COL27A1: variants seen among roughly 807,000 people sequenced by gnomAD.
COL27A1 encodes the protein collagen type XXVII alpha 1 chain.
A neutral mutation model predicts 251.3 loss-of-function variants in COL27A1; 106 were observed. The ratio of observed to expected loss-of-function variants is 0.42; its 90% CI spans 0.36 to 0.50. The LOEUF (loss-of-function observed/expected upper bound fraction) is 0.50. Ranked by LOEUF, COL27A1 falls within the 20% of genes least tolerant of loss-of-function variation. COL27A1 has a pLI of 0.00. For missense variants in COL27A1, 2,325 were observed against 2,522.8 expected, an observed-to-expected ratio of 0.92 and a Z score of 1.68; for synonymous variants, 1,000 against 986.3, an observed-to-expected ratio of 1.01 and a Z score of -0.26.
chr9:114,276,960 AC>A (rs1466004980), intron 37 of COL27A1, among the ~76,000 whole-genome samples: 2 of 152,204 alleles, frequency 1.3e-5, no homozygotes, highest in Non-Finnish European at 2.9e-5. Flanking sequence ...GGTAAAGGAA[AC>A]TTCCCAGGCT....
In COL27A1 at chr9:114,289,209, G is replaced by C. The variant is rs779334386; in HGVS notation, c.4153-33G>C. The C allele has an allele frequency of 2.6e-6, 4 of 1,566,512 alleles. No individual in the cohort carries two copies. In the South Asian group the frequency reaches 4.7e-5, roughly 18 times the overall value. ...CACCCTCCCCGGGAGAGAATCCTGG[G>C]GCTGCCTTGCGTCATCTCACCTTGG... On this transcript the variant is annotated intron_variant, in intron 44 of 60. Coordinates refer to ENST00000356083, the MANE Select transcript of COL27A1 (RefSeq NM_032888.4).
rs200617647 is a variant in COL27A1, at chr9:114,175,594, CT to C, written c.1909-2696del. Among the ~76,000 whole-genome samples the C allele has an allele frequency of 8.4e-3, 1,286 of 152,334 alleles. 22 individuals are homozygous for C. The highest frequency in any genetic ancestry group is 7.7e-3 in the Non-Finnish European group (523 of 68,032). On this transcript the variant is annotated intron_variant, in intron 3 of 60. Coordinates refer to ENST00000356083, the MANE Select transcript of COL27A1 (RefSeq NM_032888.4). ...CCCCGTCAAGGAGTCCGCCTGTGGG[CT>C]GACATCACCAGGCTGGACCCTGGGT...
At chr9:114,193,353 C>T (rs1002374662) in intron 5 of COL27A1, among the ~76,000 whole-genome samples, 2 of 152,110 alleles carry the variant, frequency 1.3e-5, no homozygotes, top group African/African-American at 4.8e-5. Flanking sequence ...TTTCCCGAGC[C>T]CCATGCTCTC....
chr9:114,176,797 C>G (rs1188122363), intron 3 of COL27A1, among the ~76,000 whole-genome samples: 3 of 152,188 alleles, frequency 2.0e-5, no homozygotes, highest in Non-Finnish European at 2.9e-5. Flanking sequence ...TGCCCAGTGA[C>G]CTTGGTACCC....
chr9:114,309,622 G>A (rs1829311383), intron 60 of COL27A1, 144 bp downstream of exon 60: 1 of 702,334 alleles, frequency 1.4e-6, no homozygotes, highest in South Asian at 2.1e-5. Context: ...TTTCATCTTT[G>A]TGTAATATAA....
chr9:114,219,668 A>G (rs1807879073), intron 12 of COL27A1, 123 bp from the exon 13 acceptor site: 12 of 715,200 alleles, frequency 1.7e-5, no homozygotes, highest in Non-Finnish European at 2.8e-5. Flanking sequence ...CTGTCTGCCC[A>G]TGACCAAGGA....
intron 36 of COL27A1, among the ~76,000 whole-genome samples, chr9:114,275,106 T>A (rs1835407455): frequency 6.9e-6 from 1 of 145,312 alleles, no homozygotes; most frequent in East Asian, 2.2e-4. Flanking sequence ...AAAAGAAATT[T>A]TTTTTCAATT....
rs767762396 is a variant in COL27A1, at chr9:114,306,706, C to T, written c.5107+18C>T. 29 of 1,607,976 alleles carry T rather than the reference C, an allele frequency of 1.8e-5. No homozygotes were observed. The highest frequency in any genetic ancestry group is 4.5e-5 in the East Asian group (2 of 44,816). ...GGTGGATGGTGAGAAGGCTTCCTGC[C>T]GGGGGTGGGTGCGCCTGGCGGTGGG... On this transcript the variant is annotated intron_variant, in intron 58 of 60. Transcript: ENST00000356083.
chr9:114,257,766 T>C (rs1834029127), intron 27 of COL27A1, among the ~76,000 whole-genome samples: 1 of 152,138 alleles, frequency 6.6e-6, no homozygotes, highest in South Asian at 2.1e-4. Context: ...TTCCTCCTCC[T>C]CTTTTCCCTG....
chr9:114,179,823 G>C (rs952987235), intron 4 of COL27A1, among the ~76,000 whole-genome samples: 3 of 143,836 alleles, frequency 2.1e-5, no homozygotes, highest in African/African-American at 7.6e-5. Flanking sequence ...TGCCTCCAGA[G>C]CCTACCATCT....
intron 12 of COL27A1, among the ~76,000 whole-genome samples, chr9:114,216,610 T>C (rs1830729950): frequency 6.6e-6 from 1 of 152,288 alleles, no homozygotes; most frequent in East Asian, 1.9e-4. Flanking sequence ...GTGGTGAACA[T>C]CAAGAACGTC....
rs1484204660 is a variant in COL27A1, at chr9:114,229,137, G to T, written c.2467-1942G>T. On this transcript the variant is annotated intron_variant, in intron 14 of 60. Coordinates refer to ENST00000356083, the MANE Select transcript of COL27A1 (RefSeq NM_032888.4). ...TGGCGCCACGCTGGGCCTGAAAGCA[G>T]AATTTCTTAGCAAAGGCTCAGCTGG... Among the ~76,000 whole-genome samples, 4 of 152,258 alleles carry T rather than the reference G, an allele frequency of 2.6e-5. No homozygotes were observed. The East Asian group carries it at 5.8e-4, about 22-fold the overall frequency.
rs913930664 is a variant in COL27A1, at chr9:114,231,009, TC to T, written c.2467-66del. On this transcript the variant is annotated intron_variant, in intron 14 of 60. Transcript: ENST00000356083. Reference sequence around the variant, plus strand: ...CCAGGCCCAGGGACCTTGGGGATTGTCCCCACCACCCAGGCCAGCCTCCTGT... The same window carrying T: ...CCAGGCCCAGGGACCTTGGGGATTGTCCCACCACCCAGGCCAGCCTCCTGT... The T allele has an allele frequency of 9.5e-6, 13 of 1,374,944 alleles. No homozygotes were observed. In the African/African-American group the frequency reaches 1.7e-4, roughly 18 times the overall value. The allele number at this position is 1,374,944 out of a possible 1,614,324, so 85.2% of individuals were successfully genotyped here.
chr9:114,241,720 G>C (rs562988911), intron 21 of COL27A1, among the ~76,000 whole-genome samples: 2 of 152,302 alleles, frequency 1.3e-5, no homozygotes, highest in South Asian at 2.1e-4. Context: ...GTGATGTTTG[G>C]GGGTGGCTGC....
chr9:114,166,444 T>TATCTATCCATCC (rs1848892915), intron 2 of COL27A1, among the ~76,000 whole-genome samples: 2 of 140,858 alleles, frequency 1.4e-5, no homozygotes, highest in African/African-American at 2.8e-5. Context: ...TCCATTCATC[T>TATCTATCCATCC]ATCCATCCAT....
rs546959230 is a variant in COL27A1, at chr9:114,230,921, G to A, written c.2467-158G>A. On this transcript the variant is annotated intron_variant, in intron 14 of 60. Coordinates refer to ENST00000356083, the MANE Select transcript of COL27A1 (RefSeq NM_032888.4). ...AGTTTATTCCAGCACTTTAGTGAAG[G>A]TCTCTGGATGAAGAACATTCCAGAT... Among the ~76,000 whole-genome samples the A allele has an allele frequency of 3.4e-4, 52 of 152,328 alleles. 3 individuals carry two copies. In the Middle Eastern group the frequency reaches 0.041, roughly 120 times the overall value.
rs935962148 is a variant in COL27A1, at chr9:114,232,843, C to T, written c.2565+977C>T. On this transcript the variant is annotated intron_variant, in intron 16 of 60. Transcript: ENST00000356083. ...ATCCCAGCACTTTGGGAGGCCAAGG[C>T]GGGCGGATCATAAGGTCAGGAGTTC... Among the ~76,000 whole-genome samples the T allele has an allele frequency of 1.2e-4, 19 of 152,192 alleles. 1 individual carries two copies. Among genetic ancestry groups the T allele is most frequent in the Admixed American group, 9.8e-4 (15 of 15,282 alleles).
At chr9:114,262,462 A>G (rs1346431959) in intron 28 of COL27A1, among the ~76,000 whole-genome samples, 1 of 152,222 alleles carries the variant, frequency 6.6e-6, no homozygotes, top group Non-Finnish European at 1.5e-5. Context: ...GACTGAGCCC[A>G]GATTCCCCAA....
chr9:114,155,879 G>T lies in COL27A1; in HGVS notation c.-72G>T. On this transcript the variant is annotated 5_prime_UTR_variant, in exon 1 of 61. Transcript: ENST00000356083. The surrounding 1 kb of genome is among the most constrained non-coding windows in gnomAD (Gnocchi z 5.5). ...TAAGCCGGCCTGGCGCGGCGGGGCG[G>T]GGGGCTGGCGGCCCCATGGGGCGCG... 1 of 1,106,358 alleles carries T rather than the reference G, an allele frequency of 9.0e-7. No individual in the cohort carries two copies. Among genetic ancestry groups the T allele is most frequent in the East Asian group, 4.5e-5 (1 of 22,464 alleles). The allele number at this position is 1,106,358 out of a possible 1,614,324, so 68.5% of individuals were successfully genotyped here. A position where few individuals can be genotyped will look rare whatever the true frequency, so the allele number is the denominator to read the frequency against.
Sources: allele counts gnomAD v4.1 joint callset (sites outside exome capture counted in the v4.1 genomes callset), GRCh38; gene constraint gnomAD v4.1.1; non-coding constraint Gnocchi (gnomAD v3.1); transcripts MANE v1.5; gene names NCBI Gene and HGNC (gene_info 2026-07-23, HGNC 2026-07-21).